The following N4BP1 variants were observed in gnomAD, a reference collection of about 807,000 sequenced individuals.
N4BP1 encodes NEDD4 binding protein 1.
Under a neutral mutation model 70.9 loss-of-function variants are expected in N4BP1, and 21 were observed. The ratio of observed to expected loss-of-function variants is 0.30; its 90% confidence interval spans 0.21 to 0.43. N4BP1 has a LOEUF of 0.43. N4BP1 is among the 20% of genes least tolerant of loss of function. The pLI is 1.00. For missense variants in N4BP1, 936 were observed against 1,069.4 expected, an observed-to-expected ratio of 0.88 and a Z score of 1.74; for synonymous variants, 387 against 394.6, an observed-to-expected ratio of 0.98 and a Z score of 0.23.
At chr16:48,559,553 T>A (rs1265906617) in intron 2 of N4BP1, 1 of 152,196 alleles carries the variant, frequency 6.6e-6, no homozygotes, top group Non-Finnish European at 1.5e-5. Flanking sequence ...AATGGCAACC[T>A]AAGAGTATTC....
chr16:48,539,194 G>A lies in N4BP1; in HGVS notation c.*3710C>T, dbSNP rs576846549. 54 of 152,430 alleles carry A rather than the reference G, an allele frequency of 3.5e-4. No individual in the cohort carries two copies. Among genetic ancestry groups the A allele is most frequent in the Non-Finnish European group, 6.2e-4 (42 of 68,110 alleles). 9.4% of individuals were successfully genotyped at this position (152,430 alleles called of 1,614,324 possible). The stretch of plus-strand genomic sequence containing the variant: ...TCAAACAGCCACTGCAGATCACTTC[G>A]CAGGAGGAGGGGTGACTAGAAGTAT... On this transcript the variant is annotated 3_prime_UTR_variant, in exon 7 of 7. Transcript: ENST00000262384.
At chr16:48,565,164 T>C (rs1963922096) in intron 1 of N4BP1, among the ~76,000 whole-genome samples, 1 of 152,222 alleles carries the variant, frequency 6.6e-6, no homozygotes, top group Non-Finnish European at 1.5e-5. Flanking sequence ...TTTTCTTGCC[T>C]TATTGCAGTG....
intron 6 of N4BP1, among the ~76,000 whole-genome samples, chr16:48,543,969 C>A (rs989137763): frequency 6.6e-6 from 1 of 152,186 alleles, no homozygotes; most frequent in Non-Finnish European, 1.5e-5. Flanking sequence ...GCAGGACAGA[C>A]CCCGTGCCAG....
chr16:48,584,449 G>A lies in N4BP1; in HGVS notation c.199-22005C>T, dbSNP rs572340636. 2.6e-5 allele frequency among the ~76,000 whole-genome samples: 4 copies of A among 152,214 alleles called. No individual in the cohort carries two copies. The South Asian group carries it at 8.3e-4, about 32-fold the overall frequency. On this transcript the variant is annotated intron_variant, in intron 1 of 6. Coordinates refer to ENST00000262384, the MANE Select transcript of N4BP1 (RefSeq NM_153029.4). ...GGTATGAATGAGAAATATCCCCAGG[G>A]CTATTAATACATTAGATTATAAAGT...
intron 1 of N4BP1, among the ~76,000 whole-genome samples, chr16:48,591,033 T>G (rs908877359): frequency 3.9e-5 from 6 of 152,206 alleles, no homozygotes; most frequent in Non-Finnish European, 7.3e-5. Flanking sequence ...CTGTCTTGTC[T>G]TTGTGTGTTT....
chr16:48,570,630 C>T (rs144640192), intron 1 of N4BP1, among the ~76,000 whole-genome samples: 175 of 152,066 alleles, frequency 1.2e-3, no homozygotes, highest in African/African-American at 4.0e-3. Flanking sequence ...TACAGGCATA[C>T]GCCACTGCGC....
At chr16:48,575,250 A>G (rs1964076421) in intron 1 of N4BP1, among the ~76,000 whole-genome samples, 1 of 152,218 alleles carries the variant, frequency 6.6e-6, no homozygotes, top group African/African-American at 2.4e-5. Context: ...ATGCAGTCCA[A>G]ATATCCATCA....
intron 1 of N4BP1, among the ~76,000 whole-genome samples, chr16:48,584,036 T>A (rs1057207132): frequency 6.6e-6 from 1 of 152,226 alleles, no homozygotes; most frequent in Admixed American, 6.5e-5. Context: ...CTTAGCCACA[T>A]GTCCCTGTCC....
At chr16:48,549,078 A>C (rs1424930041) in intron 4 of N4BP1, among the ~76,000 whole-genome samples, 1 of 152,164 alleles carries the variant, frequency 6.6e-6, no homozygotes, top group African/African-American at 2.4e-5. Context: ...TTTATCCCTT[A>C]AATTAGGGTG....
intron 1 of N4BP1, chr16:48,600,142 G>A: frequency 2.2e-6 from 1 of 461,044 alleles, no homozygotes; most frequent in South Asian, 2.7e-5. Context: ...TTTGGTTGGT[G>A]GTGACCCATG....
At chr16:48,572,092 C>T (rs971964050) in intron 1 of N4BP1, among the ~76,000 whole-genome samples, 2 of 151,990 alleles carry the variant, frequency 1.3e-5, no homozygotes, top group South Asian at 2.1e-4. Context: ...CCCAGCCACC[C>T]GGAGACTGAG....
chr16:48,589,583 A>C (rs1964302186), intron 1 of N4BP1, among the ~76,000 whole-genome samples: 1 of 152,132 alleles, frequency 6.6e-6, no homozygotes, highest in Admixed American at 6.5e-5. Context: ...ACAATTAACC[A>C]GTAAGTGTCT....
Position 48,543,201 on chromosome 16 carries a change from T to A in N4BP1, c.2394A>T (p.Arg798Ser), listed in dbSNP as rs1443444017. Reference protein sequence around the residue: ...PNVGMFDPSFRVPGTQAASTS... With the variant: ...PNVGMFDPSFSVPGTQAASTS... The stretch of plus-strand genomic sequence containing the variant: ...TGCTGGCTGCCTGGGTGCCAGGGAC[T>A]CTGAAGCTGGGGTCAAACATGCCCA... Residue 798 changes from arginine to serine, a missense_variant, in exon 7 of 7, where the codon AGA becomes AGT. Arg to Ser is a moderately radical substitution (Grantham distance 110). Around this residue, in one of 4 missense-constraint regions of N4BP1, gnomAD observed 229 missense variants for 343.5 expected, o/e 0.67. Transcript: ENST00000262384. The A allele has an allele frequency of 1.3e-6, 2 of 1,575,742 alleles. No homozygotes were observed. The highest frequency in any genetic ancestry group is 8.6e-7 in the Non-Finnish European group (1 of 1,158,596).
Position 48,590,845 on chromosome 16 carries a change from C to T in N4BP1, c.198+18930G>A, listed in dbSNP as rs752634465. ...CCATCACCGAGTGTCTGTCTTGGTT[C>T]GGCTCCTTTGGGGTCTCAGTTGGCT... On this transcript the variant is annotated intron_variant, in intron 1 of 6. Transcript: ENST00000262384. Among the ~76,000 whole-genome samples, 12 of 152,186 alleles carry T rather than the reference C, an allele frequency of 7.9e-5. No homozygotes were observed. In the South Asian group the frequency reaches 1.0e-3, roughly 13 times the overall value.
Position 48,561,276 on chromosome 16 carries a change from GA to G in N4BP1, c.1366del (p.Ser456GlnfsTer13). The G allele has an allele frequency of 6.2e-7, 1 of 1,613,912 alleles. No homozygotes were observed. Among genetic ancestry groups the G allele is most frequent in the Non-Finnish European group, 8.5e-7 (1 of 1,179,868 alleles). The part of the protein sequence containing the change: ...PFKVEAKPCT[S>X]NCRINTFRTV... ...TCTGAAAGTATTAATTCTACAATTT[GA>G]GGTACATGGTTTAGCTTCCACTTTG... is the stretch of plus-strand genomic sequence containing the variant. On this transcript the variant is annotated frameshift_variant, in exon 2 of 7. Transcript: ENST00000262384. LOFTEE classifies it high-confidence loss of function.
intron 1 of N4BP1, among the ~76,000 whole-genome samples, chr16:48,594,736 T>C (rs1003743221): frequency 1.3e-5 from 2 of 152,218 alleles, no homozygotes; most frequent in East Asian, 1.9e-4. Flanking sequence ...TTCATATAAA[T>C]AGGTTATTAG....
intron 1 of N4BP1, among the ~76,000 whole-genome samples, chr16:48,604,721 T>G (rs1404174663): frequency 6.6e-6 from 1 of 152,210 alleles, no homozygotes; most frequent in Non-Finnish European, 1.5e-5. Context: ...TTAAAAATAT[T>G]TTATTCATAT....
intron 1 of N4BP1, among the ~76,000 whole-genome samples, chr16:48,596,934 G>A (rs1964423065): frequency 6.6e-6 from 1 of 152,138 alleles, no homozygotes; most frequent in East Asian, 1.9e-4. Flanking sequence ...AGACCCTGCA[G>A]TCAATGGATC....
At chr16:48,572,382 C>T (rs1017191265) in intron 1 of N4BP1, among the ~76,000 whole-genome samples, 1 of 151,922 alleles carries the variant, frequency 6.6e-6, no homozygotes. Context: ...AAAAGAATGA[C>T]AGTAAGAATG....
Sources: gnomAD v4.1 joint callset for allele counts (sites outside exome capture counted in the v4.1 genomes callset) on GRCh38, gnomAD v4.1.1 for gene constraint, gnomAD v4.1.1 regional missense constraint, MANE v1.5 for transcripts, NCBI Gene and HGNC (gene_info 2026-07-23, HGNC 2026-07-21) for gene names.